Variants in LRRC51 observed in about 807,000 individuals in gnomAD.
The protein encoded by LRRC51 is leucine-rich repeat-containing protein 51.
In LRRC51, 8 loss-of-function variants were observed where a neutral mutation model predicts 17.8. That is an observed-to-expected ratio of 0.45 (90% CI 0.26 to 0.81). LRRC51 has a LOEUF of 0.81. LRRC51 is among the 30% of genes least tolerant of loss of function. The pLI is 0.17. For missense variants in LRRC51, 233 were observed against 239.3 expected, an observed-to-expected ratio of 0.97 and a Z score of 0.17; for synonymous variants, 92 against 96.0, an observed-to-expected ratio of 0.96 and a Z score of 0.24.
Position 72,095,016 on chromosome 11 carries a change from G to A in LRRC51, c.357G>A (p.Glu119=), listed in dbSNP as rs771949127. 3.1e-6 allele frequency: 5 copies of A among 1,614,000 alleles called. No individual in the cohort carries two copies. The highest frequency in any genetic ancestry group is 4.2e-6 in the Non-Finnish European group (5 of 1,180,002). ...LHGNSIQRLG[E]VNKLAVLPRL... is the part of the protein sequence containing the mutation. ...GCAACAGCATCCAGCGCCTGGGGGAGGTGAATAAGCTGGCTGTCCTTCCTC... is the reference window on the plus strand; with the variant it reads ...GCAACAGCATCCAGCGCCTGGGGGAAGTGAATAAGCTGGCTGTCCTTCCTC... The change falls in exon 5 of 6, where the codon GAG becomes GAA. Residue 119 remains glutamate (E), a synonymous_variant. Coordinates refer to ENST00000289488, the MANE Select transcript of LRRC51 (RefSeq NM_145309.6).
At chr11:72,091,031 A>G (rs1396994730) in intron 3 of LRRC51, among the ~76,000 whole-genome samples, 1 of 152,206 alleles carries the variant, frequency 6.6e-6, no homozygotes, top group African/African-American at 2.4e-5. Flanking sequence ...GGAACTTTAC[A>G]GATTCTTAGG....
intron 1 of LRRC51, among the ~76,000 whole-genome samples, chr11:72,081,436 C>T (rs993856840): frequency 6.6e-6 from 1 of 152,010 alleles, no homozygotes; most frequent in Non-Finnish European, 1.5e-5. Context: ...CAAAACAAAA[C>T]GAAACAAAAC....
intron 3 of LRRC51, among the ~76,000 whole-genome samples, chr11:72,089,974 A>G (rs1944762695): frequency 6.6e-6 from 1 of 152,250 alleles, no homozygotes; most frequent in African/African-American, 2.4e-5. Context: ...CTGTCCTCAC[A>G]GAATACACGT....
Position 72,093,348 on chromosome 11 carries a change from G to A in LRRC51, c.83-148G>A, listed in dbSNP as rs1362875001. ...ACTGATTGCTGGAAGCTGTGGGACA[G>A]GGTTGCACTAGACTCAGGCACAGGG... On this transcript the variant is annotated intron_variant, in intron 3 of 5. Coordinates refer to ENST00000289488, the MANE Select transcript of LRRC51 (RefSeq NM_145309.6). 6.7e-6 allele frequency: 5 copies of A among 746,430 alleles called. No homozygotes were observed. In the African/African-American group the frequency reaches 8.7e-5, roughly 13 times the overall value. The allele number at this position is 746,430 out of a possible 1,614,324, so 46.2% of individuals were successfully genotyped here.
In LRRC51 at chr11:72,095,651, G is replaced by C. The variant is rs1198631472; in HGVS notation, c.*131G>C. 4.5e-6 allele frequency: 7 copies of C among 1,538,878 alleles called. No homozygotes were observed. In the East Asian group the frequency reaches 1.5e-4, roughly 32 times the overall value. On this transcript the variant is annotated 3_prime_UTR_variant, in exon 6 of 6. Transcript: ENST00000289488. Reference sequence around the variant, plus strand: ...GAGATGTTCTCTAACTCAGGCAACTGCAAGTAGCTCTAGCCTTTTCTTTTC... The same window carrying C: ...GAGATGTTCTCTAACTCAGGCAACTCCAAGTAGCTCTAGCCTTTTCTTTTC...
At chr11:72,081,263 CAT>C (rs1944174528) in intron 1 of LRRC51, among the ~76,000 whole-genome samples, 1 of 152,020 alleles carries the variant, frequency 6.6e-6, no homozygotes, top group Non-Finnish European at 1.5e-5. Context: ...CTACCAAAAA[CAT>C]AAAAAAATTA....
intron 1 of LRRC51, among the ~76,000 whole-genome samples, chr11:72,082,038 A>G (rs1311333402): frequency 6.6e-6 from 1 of 152,148 alleles, no homozygotes; most frequent in Non-Finnish European, 1.5e-5. Flanking sequence ...GCTTCAGCCT[A>G]CTGCCTCTAT....
At chr11:72,088,681 C>A in intron 2 of LRRC51, 1 of 531,104 alleles carries the variant, frequency 1.9e-6, no homozygotes, top group Non-Finnish European at 3.4e-6. Flanking sequence ...CAGAAAAGGT[C>A]TCAGAGTAGG....
chr11:72,093,071 T>G (rs1944956579), intron 3 of LRRC51, among the ~76,000 whole-genome samples: 2 of 152,224 alleles, frequency 1.3e-5, no homozygotes, highest in South Asian at 4.1e-4. Context: ...TACTCAACAT[T>G]CATGGAAAGA....
intron 1 of LRRC51, among the ~76,000 whole-genome samples, chr11:72,081,256 C>T (rs562231568): frequency 1.3e-5 from 2 of 152,164 alleles, no homozygotes; most frequent in African/African-American, 2.4e-5. Flanking sequence ...CCTGTCTCTA[C>T]CAAAAACATA....
At chr11:72,094,689 G>A (rs966951724) in intron 4 of LRRC51, 30 of 727,924 alleles carry the variant, frequency 4.1e-5, no homozygotes, top group Admixed American at 3.8e-4. Context: ...CTAAGGCTGA[G>A]AGAGGCAAGT....
At chr11:72,092,332 G>C (rs1944907309) in intron 3 of LRRC51, among the ~76,000 whole-genome samples, 1 of 152,138 alleles carries the variant, frequency 6.6e-6, no homozygotes, top group Admixed American at 6.6e-5. Flanking sequence ...TTCTTCTTCT[G>C]TAATTCCTTA....
chr11:72,093,793 G>A, intron 4 of LRRC51, 92 bp downstream of exon 4: 2 of 1,199,222 alleles, frequency 1.7e-6, no homozygotes, highest in Non-Finnish European at 2.5e-6. Context: ...TATCAAGGAA[G>A]TAATGAGGCA....
chr11:72,089,700 T>A, intron 3 of LRRC51: 1 of 780,174 alleles, frequency 1.3e-6, no homozygotes. Flanking sequence ...TTTAAATACT[T>A]ACTGACAAAT....
chr11:72,083,697 A>G (rs1021282668), intron 1 of LRRC51: 8 of 152,326 alleles, frequency 5.3e-5, no homozygotes, highest in African/African-American at 1.9e-4. Flanking sequence ...GGATAAAGGT[A>G]GACTTCTCAG....
In LRRC51 at chr11:72,096,394, C is replaced by T. The variant is rs1337482738; in HGVS notation, c.*874C>T. 7.8e-6 allele frequency: 3 copies of T among 385,446 alleles called. No homozygotes were observed. Among genetic ancestry groups the T allele is most frequent in the African/African-American group, 2.2e-5 (1 of 45,900 alleles). The allele number at this position is 385,446 out of a possible 1,614,324, so 23.9% of individuals were successfully genotyped here. On this transcript the variant is annotated 3_prime_UTR_variant, in exon 6 of 6. Transcript: ENST00000289488. Reference sequence around the variant, plus strand: ...CTGGGATTAGAAGCGTGAGCCACCACGCCCAGCCTTTTTTTGTATTTTTAG... The same window carrying T: ...CTGGGATTAGAAGCGTGAGCCACCATGCCCAGCCTTTTTTTGTATTTTTAG...
At chr11:72,090,889 T>C (rs1944818284) in intron 3 of LRRC51, among the ~76,000 whole-genome samples, 1 of 152,234 alleles carries the variant, frequency 6.6e-6, no homozygotes, top group South Asian at 2.1e-4. Context: ...AAGAGCTACA[T>C]GGCAGCCTTT....
At position 72,095,109 on chromosome 11, in the gene LRRC51, C is replaced by T; in HGVS notation, c.437+13C>T. ...AGAAAGGGTATAGGTAAGTGCCCTG[C>T]CCCTGGAGGTAGCGTCTAGCTGGGC... On this transcript the variant is annotated intron_variant, in intron 5 of 5. Coordinates refer to ENST00000289488, the MANE Select transcript of LRRC51 (RefSeq NM_145309.6). 6.2e-7 allele frequency: 1 copy of T among 1,612,580 alleles called. No individual in the cohort carries two copies. Among genetic ancestry groups the T allele is most frequent in the Non-Finnish European group, 8.5e-7 (1 of 1,178,952 alleles).
chr11:72,088,364 T>C lies in LRRC51; in HGVS notation c.-72T>C. On this transcript the variant is annotated 5_prime_UTR_variant, in exon 2 of 6. Coordinates refer to ENST00000289488, the MANE Select transcript of LRRC51 (RefSeq NM_145309.6). ...GGAATGAATGCCTAATGGTGGAGTT[T>C]CAGCCATCAGTGACAGGTGAGTGAG... 1.4e-6 allele frequency: 1 copy of C among 702,674 alleles called. No homozygotes were observed. The highest frequency in any genetic ancestry group is 2.6e-6 in the Non-Finnish European group (1 of 384,996). 43.5% of individuals were successfully genotyped at this position (702,674 alleles called of 1,614,324 possible).
Sources: allele counts gnomAD v4.1 joint callset (sites outside exome capture counted in the v4.1 genomes callset), GRCh38; gene constraint gnomAD v4.1.1; transcripts MANE v1.5; gene names NCBI Gene and HGNC (gene_info 2026-07-23, HGNC 2026-07-21).